PASD1: variants seen among roughly 807,000 people sequenced by gnomAD.
PASD1 encodes the protein PAS domain containing repressor 1.
PASD1 carries 13 observed loss-of-function variants against 58.8 expected under a neutral mutation model. That is an observed-to-expected ratio of 0.22 (90% CI 0.14 to 0.35). PASD1 has a LOEUF of 0.35. PASD1 is among the 10% of genes least tolerant of loss of function. The pLI is 1.00. For missense variants in PASD1, 734 were observed against 568.3 expected (o/e 1.29, Z -2.96); for synonymous variants, 236 against 216.7 (o/e 1.09, Z -0.78).
intron 1 of PASD1, among the ~76,000 whole-genome samples, chrX:151,600,497 G>C (rs1339551663): frequency 9.0e-6 from 1 of 110,971 alleles, no homozygotes. Flanking sequence ...GTATGGTGGT[G>C]TCTTTTCTCC....
intron 1 of PASD1, among the ~76,000 whole-genome samples, chrX:151,571,189 G>A (rs5924959): frequency 0.048 from 5,330 of 112,042 alleles, 113 homozygotes; most frequent in African/African-American, 0.083. Flanking sequence ...GACATTACTT[G>A]GGAAGAACAG....
intron 8 of PASD1, among the ~76,000 whole-genome samples, chrX:151,644,327 G>T (rs983824748): frequency 1.8e-5 from 2 of 111,590 alleles, no homozygotes; most frequent in African/African-American, 6.5e-5. Context: ...CACAGAACAC[G>T]CTTCTCTTCT....
Position 151,672,203 on chromosome X carries a change from ACAACACCTGAAGGAGCAGCAG to A in PASD1, c.1460_1480del (p.Gln487_Gln493del). The A allele has an allele frequency of 8.6e-7, 1 of 1,157,325 alleles. No homozygotes were observed. Among genetic ancestry groups the A allele is most frequent in the Non-Finnish European group, 1.1e-6 (1 of 870,205 alleles). ...TGCAGCAGCAACTGGTGCAGCAAGA[ACAACACCTGAAGGAGCAGCAG>A]CGGCAGCTGCGGGAGCAGCTGCAAC... On this transcript the variant is annotated inframe_deletion, in exon 14 of 16. Transcript: ENST00000370357.
At chrX:151,605,275 T>C (rs1377285889) in intron 3 of PASD1, among the ~76,000 whole-genome samples, 1 of 112,047 alleles carries the variant, frequency 8.9e-6, no homozygotes, top group Non-Finnish European at 1.9e-5. Context: ...AGCCTTGATT[T>C]CTTTCTCTTT....
chrX:151,646,063 G>A (rs111763373), intron 8 of PASD1, among the ~76,000 whole-genome samples: 14 of 110,378 alleles, frequency 1.3e-4, no homozygotes, highest in Admixed American at 2.9e-4. Context: ...GGTGTGCACC[G>A]CCACATCTGA....
At chrX:151,646,459 C>G (rs1253080531) in intron 8 of PASD1, among the ~76,000 whole-genome samples, 1 of 112,042 alleles carries the variant, frequency 8.9e-6, no homozygotes, top group Non-Finnish European at 1.9e-5. Context: ...AGACGGCAGC[C>G]ACTAGCTACG....
chrX:151,625,828 T>C (rs2013778973), intron 8 of PASD1, among the ~76,000 whole-genome samples: 1 of 110,919 alleles, frequency 9.0e-6, no homozygotes, highest in East Asian at 2.8e-4. Flanking sequence ...GTGCTTGTAG[T>C]CCTAGCTATT....
At chrX:151,662,844 A>G (rs1034035844) in intron 10 of PASD1, among the ~76,000 whole-genome samples, 2 of 112,152 alleles carry the variant, frequency 1.8e-5, no homozygotes, top group African/African-American at 6.5e-5. Context: ...CCCTTAAGGA[A>G]CAAATTTACC....
intron 8 of PASD1, among the ~76,000 whole-genome samples, chrX:151,646,921 A>C (rs2014067646): frequency 8.9e-6 from 1 of 112,797 alleles, no homozygotes; most frequent in Non-Finnish European, 1.9e-5. Context: ...TAGAAAAAGT[A>C]GATAGAAAGT....
At position 151,671,657 on chromosome X, in the gene PASD1, G is replaced by T; in HGVS notation, c.1315G>T (p.Ala439Ser). Reference protein sequence around the residue: ...AVPKKQQKQHAGQVKRPLPHP... With the variant: ...AVPKKQQKQHSGQVKRPLPHP... ...GCCCAAGAAACAACAGAAACAACAC[G>T]CTGGGCAAGTGAAGCGGCCTCTCCC... The change falls in exon 13 of 16, where the codon GCT becomes TCT. Residue 439 changes from alanine (A) to serine (S), a missense_variant. Ala to Ser is a moderately conservative substitution (Grantham distance 99). Coordinates refer to ENST00000370357, the MANE Select transcript of PASD1 (RefSeq NM_173493.3). The T allele has an allele frequency of 8.3e-7, 1 of 1,211,011 alleles. No homozygotes were observed. Among genetic ancestry groups the T allele is most frequent in the Non-Finnish European group, 1.1e-6 (1 of 894,725 alleles).
At chrX:151,572,012 C>G (rs1041182571) in intron 1 of PASD1, among the ~76,000 whole-genome samples, 2 of 110,895 alleles carry the variant, frequency 1.8e-5, no homozygotes, top group African/African-American at 6.6e-5. Flanking sequence ...TGAGTCAATT[C>G]TCAGAAAATT....
At chrX:151,604,523 G>T in intron 2 of PASD1, 123 bp from the exon 3 acceptor site, 1 of 466,689 alleles carries the variant, frequency 2.1e-6, no homozygotes, top group Non-Finnish European at 3.7e-6. Context: ...TCCTTCATTA[G>T]CACTCAGCAT....
intron 5 of PASD1, 118 bp from the exon 6 acceptor site, chrX:151,621,364 G>T: frequency 3.4e-6 from 2 of 583,361 alleles, no homozygotes; most frequent in Non-Finnish European, 5.3e-6. Context: ...TTCGTGGAAA[G>T]AAAATAATAT....
In PASD1 at chrX:151,674,083, G is replaced by A. The variant is rs751789957; in HGVS notation, c.2072G>A (p.Arg691Gln). The A allele has an allele frequency of 8.3e-7, 1 of 1,211,687 alleles. No individual in the cohort carries two copies. Among genetic ancestry groups the A allele is most frequent in the Non-Finnish European group, 1.1e-6 (1 of 895,357 alleles). ...CTGGAGACCCCACAGGATTACATCC[G>A]GCTTTGGCAAGAGTTGTCTGATTCA... The part of the protein sequence containing the change: ...STLETPQDYI[R>Q]LWQELSDSLG... The change falls in exon 15 of 16, where the codon CGG becomes CAG. Residue 691 changes from arginine to glutamine, a missense_variant. Physicochemically the swap from Arg to Gln is conservative, Grantham distance 43. Coordinates refer to ENST00000370357, the MANE Select transcript of PASD1 (RefSeq NM_173493.3).
At chrX:151,659,493 G>C (rs754051075) in intron 9 of PASD1, among the ~76,000 whole-genome samples, 10 of 112,161 alleles carry the variant, frequency 8.9e-5, no homozygotes, top group Non-Finnish European at 1.5e-4. Flanking sequence ...TCTTCAGTTT[G>C]TCAGTGTATA....
In PASD1 at chrX:151,671,113, C is replaced by G. The variant is rs1404086234; in HGVS notation, c.1147C>G (p.Gln383Glu). 1 of 1,210,108 alleles carries G rather than the reference C, an allele frequency of 8.3e-7. No homozygotes were observed. The highest frequency in any genetic ancestry group is 2.2e-5 in the Admixed American group (1 of 45,768). Residue 383 changes from glutamine to glutamate, a missense_variant, in exon 12 of 16, where the codon CAG (glutamine) becomes GAG (glutamate). Transcript: ENST00000370357. ...GGAACTGATGAAGAAGTTGAAGGAG[C>G]AGCTAGAAGAGAGGACTTGGTTGCT... Reference protein sequence around the residue: ...ELELMKKLKEQLEERTWLLHD... With the variant: ...ELELMKKLKEELEERTWLLHD...
intron 8 of PASD1, among the ~76,000 whole-genome samples, chrX:151,641,544 A>T (rs1393609622): frequency 9.0e-6 from 1 of 111,528 alleles, no homozygotes; most frequent in Non-Finnish European, 1.9e-5. Flanking sequence ...ACCCACAAAA[A>T]GAATATGATT....
intron 11 of PASD1, among the ~76,000 whole-genome samples, chrX:151,665,930 C>T (rs2014372504): frequency 9.6e-6 from 1 of 104,427 alleles, no homozygotes; most frequent in African/African-American, 3.5e-5. Flanking sequence ...TAATGAATGT[C>T]TGCTTTCTTA....
At chrX:151,603,070 G>C (rs2013440657) in intron 2 of PASD1, among the ~76,000 whole-genome samples, 1 of 112,259 alleles carries the variant, frequency 8.9e-6, no homozygotes. Flanking sequence ...TATTGTACTT[G>C]CAGATACCTG....
Sources: gnomAD v4.1 joint callset for allele counts (sites outside exome capture counted in the v4.1 genomes callset) on GRCh38, gnomAD v4.1.1 for gene constraint, MANE v1.5 for transcripts, NCBI Gene and HGNC (gene_info 2026-07-23, HGNC 2026-07-21) for gene names.